Variants in ARHGAP23 observed in about 807,000 individuals in gnomAD.
The protein encoded by ARHGAP23 is Rho GTPase activating protein 23.
In ARHGAP23, 34 loss-of-function variants were observed where a neutral mutation model predicts 136.3. The observed-to-expected ratio is 0.25, with a 90% CI of 0.19 to 0.33. ARHGAP23 has a LOEUF of 0.33. ARHGAP23 is among the 10% of genes least tolerant of loss of function. The pLI, the probability that ARHGAP23 is intolerant of heterozygous loss-of-function variation, is 1.00. For missense variants in ARHGAP23, 1,808 were observed against 2,139.0 expected (o/e 0.85, Z 3.05); for synonymous variants, 832 against 920.5 (o/e 0.90, Z 1.74).
At chr17:38,505,904 T>G (rs747757436) in intron 23 of ARHGAP23, among the ~76,000 whole-genome samples, 11 of 152,122 alleles carry the variant, frequency 7.2e-5, no homozygotes, top group Non-Finnish European at 1.0e-4. Flanking sequence ...TTCCCAGCCT[T>G]GGCAATAGAG....
intron 14 of ARHGAP23, among the ~76,000 whole-genome samples, chr17:38,481,130 C>T (rs2040029388): frequency 6.6e-6 from 1 of 152,000 alleles, no homozygotes; most frequent in Non-Finnish European, 1.5e-5. Context: ...CATGTGCCAC[C>T]ACGCCCGGCT....
intron 11 of ARHGAP23, among the ~76,000 whole-genome samples, chr17:38,474,687 G>T (rs1440470924): frequency 6.6e-6 from 1 of 152,178 alleles, no homozygotes; most frequent in South Asian, 2.1e-4. Flanking sequence ...CAGCACCGAC[G>T]AGTTACCTGT....
chr17:38,464,623 G>A (rs1459397323), intron 6 of ARHGAP23, among the ~76,000 whole-genome samples: 1 of 152,226 alleles, frequency 6.6e-6, no homozygotes, highest in Non-Finnish European at 1.5e-5. Context: ...CTTACCCCAA[G>A]TCTCAAGGCC....
Position 38,460,909 on chromosome 17 carries a change from A to G in ARHGAP23, c.230A>G (p.Glu77Gly). ...CCACTCCTCTGTTCCCTGCAGGAGG[A>G]AGAGAATGGAGGCCGTGGAGGAGGT... ...ESAVHCSLKE[E>G]ENGGRGGGPS... Residue 77 changes from glutamate (E) to glycine (G), a missense_variant, in exon 3 of 24, where the codon GAA becomes GGA. By Grantham distance (98) the Glu-to-Gly change is moderately conservative. This residue lies in a region of ARHGAP23 where 859 missense variants were observed against 936.4 expected (regional missense o/e 0.92). Coordinates refer to ENST00000622683, the MANE Select transcript of ARHGAP23 (RefSeq NM_001199417.2). The G allele has an allele frequency of 6.5e-7, 1 of 1,535,942 alleles. No homozygotes were observed.
chr17:38,452,878 T>G (rs887060565), intron 1 of ARHGAP23, among the ~76,000 whole-genome samples: 3 of 152,226 alleles, frequency 2.0e-5, no homozygotes, highest in Non-Finnish European at 4.4e-5. Context: ...TTTGAATGAT[T>G]GTCAGCTTGT....
At chr17:38,486,943 G>GT (rs766650748) in intron 17 of ARHGAP23, among the ~76,000 whole-genome samples, 3 of 152,216 alleles carry the variant, frequency 2.0e-5, no homozygotes, top group Non-Finnish European at 2.9e-5. Context: ...GCCTGCGTGG[G>GT]GTTTGGATTT....
At chr17:38,467,994 T>C (rs146923553) in intron 7 of ARHGAP23, among the ~76,000 whole-genome samples, 131 of 152,186 alleles carry the variant, frequency 8.6e-4, no homozygotes, top group Non-Finnish European at 1.4e-3. Flanking sequence ...GGACAATCCA[T>C]TGGGATGGGC....
chr17:38,425,685 A>G (rs2038562642), upstream of ARHGAP23, among the ~76,000 whole-genome samples: 1 of 152,168 alleles, frequency 6.6e-6, no homozygotes, highest in African/African-American at 2.4e-5. Flanking sequence ...CCAAAAAAAT[A>G]GGGTACAGGA....
At chr17:38,464,596 G>C (rs2039539266) in intron 6 of ARHGAP23, among the ~76,000 whole-genome samples, 1 of 152,200 alleles carries the variant, frequency 6.6e-6, no homozygotes, top group Non-Finnish European at 1.5e-5. Flanking sequence ...AAGGAGGGGG[G>C]GATCTGAGGT....
intron 1 of ARHGAP23, among the ~76,000 whole-genome samples, chr17:38,445,838 C>T (rs185672206): frequency 2.6e-5 from 4 of 151,888 alleles, no homozygotes; most frequent in Non-Finnish European, 4.4e-5. Flanking sequence ...TTCACCGTGT[C>T]GTCCAGGCTG....
Position 38,477,473 on chromosome 17 carries a change from G to T in ARHGAP23, c.2119-106G>T. 2 of 1,058,988 alleles carry T rather than the reference G, an allele frequency of 1.9e-6. No homozygotes were observed. Among genetic ancestry groups the T allele is most frequent in the Non-Finnish European group, 2.3e-6 (2 of 861,062 alleles). The allele number at this position is 1,058,988 out of a possible 1,614,324, so 65.6% of individuals were successfully genotyped here. A position where few individuals can be genotyped will look rare whatever the true frequency, so the allele number is the denominator to read the frequency against. Reference sequence around the variant, plus strand: ...TGGAGCAGGGGGCTCCTGGTAGGCAGCGTGGGGTCCATCCCCTGGCTGTCC... The same window carrying T: ...TGGAGCAGGGGGCTCCTGGTAGGCATCGTGGGGTCCATCCCCTGGCTGTCC... On this transcript the variant is annotated intron_variant, in intron 11 of 23. Transcript: ENST00000622683. This position sits in a 1 kb window ranked among gnomAD's most constrained non-coding sequence, Gnocchi z 6.6.
rs1180745576 is a variant in ARHGAP23, at chr17:38,510,301, G to A, written c.3805G>A (p.Ala1269Thr). 1 of 1,283,828 alleles carries A rather than the reference G, an allele frequency of 7.8e-7. No individual in the cohort carries two copies. The highest frequency in any genetic ancestry group is 9.8e-7 in the Non-Finnish European group (1 of 1,015,762). The allele number at this position is 1,283,828 out of a possible 1,614,324, so 79.5% of individuals were successfully genotyped here. ...GTGCTCGGGCGCTAGCGGTCGGCGG[G>A]CAGGGGCGGGGGATGAGGCGGACGA... ...SVCSGASGRR[A>T]GAGDEADDER... The change falls in exon 24 of 24, where the codon GCA becomes ACA. Residue 1269 changes from alanine to threonine, a missense_variant. Around this residue, in one of 7 missense-constraint regions of ARHGAP23, gnomAD observed 506 missense variants for 455.8 expected, o/e 1.11. Coordinates refer to ENST00000622683, the MANE Select transcript of ARHGAP23 (RefSeq NM_001199417.2). This position sits in a 1 kb window ranked among gnomAD's most constrained non-coding sequence, Gnocchi z 4.6.
At chr17:38,476,090 G>A (rs1402124407) in intron 11 of ARHGAP23, among the ~76,000 whole-genome samples, 1 of 152,216 alleles carries the variant, frequency 6.6e-6, no homozygotes, top group African/African-American at 2.4e-5. Context: ...GAAAGGCAGG[G>A]ACAGACCACA....
upstream of ARHGAP23, chr17:38,428,432 T>G: frequency 4.5e-6 from 5 of 1,106,010 alleles, no homozygotes; most frequent in Non-Finnish European, 5.9e-6. Flanking sequence ...CCCTCCCGGG[T>G]CCCTGCCGGC....
At chr17:38,433,382 C>T (rs2038725958) in intron 1 of ARHGAP23, among the ~76,000 whole-genome samples, 1 of 152,092 alleles carries the variant, frequency 6.6e-6, no homozygotes, top group African/African-American at 2.4e-5. Flanking sequence ...TAAAAAAAAT[C>T]AATGGATAGA....
At chr17:38,475,890 GTGA>G (rs939583098) in intron 11 of ARHGAP23, among the ~76,000 whole-genome samples, 2 of 152,174 alleles carry the variant, frequency 1.3e-5, no homozygotes, top group African/African-American at 4.8e-5. Context: ...CACTGAGGAG[GTGA>G]CGTTGGTGAT....
At position 38,466,626 on chromosome 17, in the gene ARHGAP23, G is replaced by A. The variant is rs945780494; in HGVS notation, c.943G>A (p.Ala315Thr). 7.4e-5 allele frequency: 112 copies of A among 1,517,460 alleles called. No individual in the cohort carries two copies. Among genetic ancestry groups the A allele is most frequent in the Middle Eastern group, 1.7e-4 (1 of 5,738 alleles). 94.0% of individuals were successfully genotyped at this position (1,517,460 alleles called of 1,614,324 possible). Residue 315 changes from alanine (A) to threonine (T), a missense_variant, in exon 7 of 24, where the codon GCC (alanine) becomes ACC (threonine). Transcript: ENST00000622683. The stretch of plus-strand genomic sequence containing the variant: ...AGCCATGGCCCCCCGGGCCCGCAGC[G>A]CCTCCCAGGACCGGTTGGAGGAGGT... ...CPAMAPRARS[A>T]SQDRLEEVAA...
rs543929721 is a variant in ARHGAP23 at position 38,461,382 on chromosome 17, T to C, written c.253+450T>C. On this transcript the variant is annotated intron_variant, in intron 3 of 23. Transcript: ENST00000622683. The stretch of plus-strand genomic sequence containing the variant: ...TGGAAGTCAGGGATCCCCCAAGGTC[T>C]TTCTCTCATATGATGTGAGCCTGAC... 8.3e-4 allele frequency among the ~76,000 whole-genome samples: 127 copies of C among 152,300 alleles called. 1 individual carries two copies. The highest frequency in any genetic ancestry group is 2.5e-3 in the African/African-American group (102 of 41,562).
At chr17:38,468,048 G>T (rs570555955) in intron 7 of ARHGAP23, among the ~76,000 whole-genome samples, 2 of 152,376 alleles carry the variant, frequency 1.3e-5, no homozygotes, top group South Asian at 4.1e-4. Flanking sequence ...TCAGAGAAGG[G>T]CTATGGTGAG....
Sources: allele counts gnomAD v4.1 joint callset (sites outside exome capture counted in the v4.1 genomes callset), GRCh38; gene constraint gnomAD v4.1.1; regional missense constraint gnomAD v4.1.1; non-coding constraint Gnocchi (gnomAD v3.1); transcripts MANE v1.5; gene names NCBI Gene and HGNC (gene_info 2026-07-23, HGNC 2026-07-21).